Variants in SAMSN1 observed in about 807,000 individuals in gnomAD.
SAMSN1 encodes the protein SAM domain, SH3 domain and nuclear localization signals 1.
Under a neutral mutation model 42.0 loss-of-function variants are expected in SAMSN1, and 31 were observed. The observed-to-expected ratio is 0.74, with a 90% CI of 0.55 to 1.00. The LOEUF is 1.00. SAMSN1 is among the 50% of genes least tolerant of loss of function. The pLI, the probability that SAMSN1 is intolerant of heterozygous loss-of-function variation, is 0.00. For synonymous variants in SAMSN1, 178 were observed against 151.9 expected, an observed-to-expected ratio of 1.17 and a Z score of -1.26; for missense variants, 464 against 439.4, an observed-to-expected ratio of 1.06 and a Z score of -0.50.
chr21:14,644,373 C>T (rs1396650829), intron 1 of SAMSN1, among the ~76,000 whole-genome samples: 2 of 152,016 alleles, frequency 1.3e-5, no homozygotes, highest in Admixed American at 6.5e-5. Context: ...TGAGGTACCC[C>T]CCTTCCGGGC....
intron 4 of SAMSN1, among the ~76,000 whole-genome samples, chr21:14,611,743 A>C (rs1982713960): frequency 6.6e-6 from 1 of 152,228 alleles, no homozygotes; most frequent in South Asian, 2.1e-4. Flanking sequence ...TGCTGGGAGA[A>C]TTGAAACCTG....
exon 2 of SAMSN1, chr21:14,582,319 T>C: frequency 6.4e-7 from 1 of 1,550,608 alleles, no homozygotes; most frequent in Non-Finnish European, 8.7e-7. Flanking sequence ...ACCAAGCTAA[T>C]TTATCTTCCA....
chr21:14,630,586 T>C (rs545254610), intron 2 of SAMSN1, among the ~76,000 whole-genome samples: 52 of 152,268 alleles, frequency 3.4e-4, no homozygotes, highest in Non-Finnish European at 6.8e-4. Context: ...CATATGTGAA[T>C]TGGTGGCAGA....
intron 2 of SAMSN1, among the ~76,000 whole-genome samples, chr21:14,581,456 T>C (rs541538859): frequency 7.3e-6 from 1 of 137,884 alleles, no homozygotes; most frequent in South Asian, 2.5e-4. Context: ...CCTCCTGGGT[T>C]CACGCCATTC....
intron 2 of SAMSN1, among the ~76,000 whole-genome samples, chr21:14,562,633 C>T (rs1031899796): frequency 6.6e-6 from 1 of 151,620 alleles, no homozygotes; most frequent in African/African-American, 2.4e-5. Flanking sequence ...GTTGAAAACT[C>T]ATCACCATGA....
intron 2 of SAMSN1, among the ~76,000 whole-genome samples, chr21:14,620,240 A>C (rs1982966167): frequency 6.6e-6 from 1 of 152,164 alleles, no homozygotes; most frequent in African/African-American, 2.4e-5. Flanking sequence ...CTTGAATTGT[A>C]ATCCCTAGGT....
chr21:14,626,017 A>G (rs1983159059), intron 2 of SAMSN1, among the ~76,000 whole-genome samples: 2 of 152,336 alleles, frequency 1.3e-5, no homozygotes, highest in African/African-American at 4.8e-5. Context: ...TGACAAAAAC[A>G]AGCAATGGGG....
chr21:14,516,319 A>T (rs1286620375), intron 3 of SAMSN1, among the ~76,000 whole-genome samples: 2 of 152,242 alleles, frequency 1.3e-5, no homozygotes, highest in Admixed American at 6.5e-5. Flanking sequence ...TGAAGTACTG[A>T]TACTTGCTAC....
Position 14,632,770 on chromosome 21 carries a change from A to G in SAMSN1, c.156+10232T>C, listed in dbSNP as rs150682524. ...GGTTTAAGGTTTCATCTGAAGGTTC[A>G]GCTAGGGAAAGGATTCTCCTTTAAT... is the stretch of plus-strand genomic sequence containing the variant. On this transcript the variant is annotated intron_variant, in intron 2 of 15. Coordinates refer to the SAMSN1 transcript ENST00000647101. Among the ~76,000 whole-genome samples the G allele has an allele frequency of 6.2e-3, 949 of 152,312 alleles. 6 individuals are homozygous for G. The highest frequency in any genetic ancestry group is 0.014 in the Middle Eastern group (4 of 294).
chr21:14,514,356 G>A (rs968493138), intron 3 of SAMSN1, among the ~76,000 whole-genome samples: 1 of 152,164 alleles, frequency 6.6e-6, no homozygotes, highest in Non-Finnish European at 1.5e-5. Context: ...ACCAAGTAAA[G>A]AGGTTCACTA....
chr21:14,615,873 A>G (rs1982823258), intron 3 of SAMSN1: 1 of 361,358 alleles, frequency 2.8e-6, no homozygotes, highest in African/African-American at 2.1e-5. Context: ...CAAAAAAAAA[A>G]AAAAAAAAAA....
upstream of SAMSN1, among the ~76,000 whole-genome samples, chr21:14,547,475 G>A (rs1444835006): frequency 6.6e-6 from 1 of 152,152 alleles, no homozygotes; most frequent in South Asian, 2.1e-4. Flanking sequence ...AAGCTTTATT[G>A]TTAAATGGGG....
At chr21:14,584,892 T>C (rs1981870275), upstream of SAMSN1, among the ~76,000 whole-genome samples, 1 of 152,222 alleles carries the variant, frequency 6.6e-6, no homozygotes, top group Admixed American at 6.5e-5. Flanking sequence ...ATATCTGACA[T>C]GCAACATTTC....
intron 5 of SAMSN1, among the ~76,000 whole-genome samples, chr21:14,603,662 G>A (rs1982494912): frequency 6.6e-6 from 1 of 152,190 alleles, no homozygotes; most frequent in Admixed American, 6.5e-5. Flanking sequence ...AGGTGACTGA[G>A]GCCAAATTGT....
chr21:14,619,031 A>G (rs1982933116), intron 2 of SAMSN1, among the ~76,000 whole-genome samples: 1 of 152,218 alleles, frequency 6.6e-6, no homozygotes, highest in South Asian at 2.1e-4. Flanking sequence ...GTTATTTTTA[A>G]GGTAAATGAG....
At chr21:14,601,004 C>CTGA (rs1982414232) in intron 6 of SAMSN1, among the ~76,000 whole-genome samples, 1 of 152,150 alleles carries the variant, frequency 6.6e-6, no homozygotes, top group African/African-American at 2.4e-5. Context: ...TCACTGAATC[C>CTGA]CATGAAAGTA....
upstream of SAMSN1, among the ~76,000 whole-genome samples, chr21:14,587,478 GC>G (rs1175245027): frequency 1.3e-5 from 2 of 151,342 alleles, no homozygotes; most frequent in African/African-American, 4.9e-5. Context: ...GCCTTTTTTG[GC>G]CCTTCCCTCT....
chr21:14,503,420 A>T (rs1002799221), intron 5 of SAMSN1, among the ~76,000 whole-genome samples: 1 of 152,206 alleles, frequency 6.6e-6, no homozygotes, highest in African/African-American at 2.4e-5. Flanking sequence ...GTCAAAAGCC[A>T]GTGAACTCAG....
rs77505612 is a variant in SAMSN1, at chr21:14,536,777, G to A, written c.57+9428C>T. Among the ~76,000 whole-genome samples the A allele has an allele frequency of 3.1e-3, 478 of 152,246 alleles. 3 individuals are homozygous for A. The highest frequency in any genetic ancestry group is 0.011 in the African/African-American group (444 of 41,542). ...CAATGGAATGAGGCCATTTCTCCTT[G>A]GCATGCAAGCACCAACTGGAAGCAA... On this transcript the variant is annotated intron_variant, in intron 1 of 7. Transcript: ENST00000400566.
Sources: gnomAD v4.1 joint callset for allele counts (sites outside exome capture counted in the v4.1 genomes callset) on GRCh38, gnomAD v4.1.1 for gene constraint, MANE v1.5 for transcripts, NCBI Gene and HGNC (gene_info 2026-07-23, HGNC 2026-07-21) for gene names.